Variants in LYPD6B observed in about 807,000 individuals in gnomAD.
LYPD6B encodes the protein ly6/PLAUR domain-containing protein 6B.
A neutral mutation model predicts 22.8 loss-of-function variants in LYPD6B; 17 were observed. The ratio of observed to expected loss-of-function variants is 0.75; its 90% CI spans 0.51 to 1.12. The LOEUF (loss-of-function observed/expected upper bound fraction) is 1.12. Among genes scored for constraint, LYPD6B ranks in the 50% most tolerant of loss-of-function variants. The pLI is 0.00. For synonymous variants in LYPD6B, 106 were observed against 91.6 expected, an observed-to-expected ratio of 1.16 and a Z score of -0.90; for missense variants, 221 against 258.3, an observed-to-expected ratio of 0.86 and a Z score of 0.99.
At chr2:149,135,719 CAAAAA>C (rs386391471) in intron 2 of LYPD6B, among the ~76,000 whole-genome samples, 1 of 32,228 alleles carries the variant, frequency 3.1e-5, no homozygotes, top group Non-Finnish European at 6.2e-5. Context: ...GACCATGTCT[CAAAAA>C]AAAAAAAAAA....
chr2:149,103,192 G>T (rs1269528296), intron 1 of LYPD6B, among the ~76,000 whole-genome samples: 6 of 152,158 alleles, frequency 3.9e-5, no homozygotes, highest in Non-Finnish European at 8.8e-5. Flanking sequence ...TCAGCAGTTG[G>T]CACAAACATG....
chr2:149,159,840 A>T (rs535849687), intron 2 of LYPD6B, among the ~76,000 whole-genome samples: 7 of 152,270 alleles, frequency 4.6e-5, no homozygotes, highest in Admixed American at 3.9e-4. Context: ...TCGACTGATC[A>T]AATAAGGCTC....
intron 1 of LYPD6B, among the ~76,000 whole-genome samples, chr2:149,111,716 G>C (rs7586963): frequency 0.012 from 1,847 of 152,210 alleles, 18 homozygotes; most frequent in Non-Finnish European, 0.021. Context: ...CATATAGAAG[G>C]CATTTAAAGG....
At chr2:149,117,126 C>A (rs1687045129) in intron 1 of LYPD6B, among the ~76,000 whole-genome samples, 1 of 151,926 alleles carries the variant, frequency 6.6e-6, no homozygotes, top group South Asian at 2.1e-4. Context: ...AGAGTAGTAA[C>A]CCTCAGTCTA....
chr2:149,211,111 G>A (rs1693825539), intron 5 of LYPD6B, among the ~76,000 whole-genome samples: 1 of 152,084 alleles, frequency 6.6e-6, no homozygotes, highest in South Asian at 2.1e-4. Flanking sequence ...GGGGGGAGGT[G>A]CTACACAGTT....
chr2:149,175,799 G>A (rs995945427), intron 3 of LYPD6B, among the ~76,000 whole-genome samples: 4 of 150,622 alleles, frequency 2.7e-5, no homozygotes, highest in Admixed American at 2.0e-4. Flanking sequence ...CCTACACAGG[G>A]TCAGGATCAT....
chr2:149,058,861 C>T (rs1683932566), intron 1 of LYPD6B, among the ~76,000 whole-genome samples: 1 of 152,250 alleles, frequency 6.6e-6, no homozygotes, highest in South Asian at 2.1e-4. Context: ...CTCAGGTGAT[C>T]CACTTGCCCT....
At chr2:149,135,797 A>G (rs1404391382) in intron 2 of LYPD6B, among the ~76,000 whole-genome samples, 1 of 151,890 alleles carries the variant, frequency 6.6e-6, no homozygotes, top group African/African-American at 2.4e-5. Context: ...ATTTTTAAAG[A>G]AAGAATTAAG....
At chr2:149,194,546 A>G (rs1692686669) in intron 3 of LYPD6B, among the ~76,000 whole-genome samples, 1 of 152,222 alleles carries the variant, frequency 6.6e-6, no homozygotes, top group Non-Finnish European at 1.5e-5. Context: ...GGCCTAGAAG[A>G]CAAGATGAGA....
chr2:149,202,327 C>A (rs1398073594), intron 3 of LYPD6B, among the ~76,000 whole-genome samples: 2 of 152,190 alleles, frequency 1.3e-5, no homozygotes, highest in Non-Finnish European at 2.9e-5. Context: ...GACTCCCTGA[C>A]TGTCCAGTCC....
intron 1 of LYPD6B, among the ~76,000 whole-genome samples, chr2:149,083,918 A>G (rs115992265): frequency 6.6e-6 from 1 of 150,556 alleles, no homozygotes; most frequent in Admixed American, 6.7e-5. Context: ...CTACTAAAAT[A>G]AAAAAACAAA....
chr2:149,089,722 G>T (rs1185343278), intron 1 of LYPD6B, among the ~76,000 whole-genome samples: 1 of 152,142 alleles, frequency 6.6e-6, no homozygotes, highest in African/African-American at 2.4e-5. Context: ...GGTTTTCTGT[G>T]TACTGGTTGG....
intron 3 of LYPD6B, among the ~76,000 whole-genome samples, chr2:149,175,201 C>T (rs1050527405): frequency 2.0e-5 from 3 of 151,952 alleles, no homozygotes; most frequent in African/African-American, 7.3e-5. Flanking sequence ...GTACAACCTA[C>T]GATACTCCCA....
chr2:149,130,538 G>A (rs917792714), intron 1 of LYPD6B, among the ~76,000 whole-genome samples: 1 of 152,188 alleles, frequency 6.6e-6, no homozygotes, highest in Non-Finnish European at 1.5e-5. Context: ...CTAAAAGAGG[G>A]TATTAGGCCT....
At chr2:149,212,810 T>G (rs1161991508) in intron 5 of LYPD6B, among the ~76,000 whole-genome samples, 182 bp from the exon 6 acceptor site, 1 of 152,198 alleles carries the variant, frequency 6.6e-6, no homozygotes, top group African/African-American at 2.4e-5. Context: ...GAAGCTGGTG[T>G]CCTTTGAAAA....
chr2:149,068,597 T>G, intron 1 of LYPD6B: 2 of 432,896 alleles, frequency 4.6e-6, no homozygotes, highest in South Asian at 3.7e-5. Flanking sequence ...ATGATTAGAC[T>G]AATTCATTAG....
At chr2:149,190,490 G>A (rs545250147) in intron 3 of LYPD6B, among the ~76,000 whole-genome samples, 2 of 152,216 alleles carry the variant, frequency 1.3e-5, no homozygotes, top group East Asian at 3.9e-4. Context: ...TAATAATGTT[G>A]TCAAATTGCT....
intron 1 of LYPD6B, among the ~76,000 whole-genome samples, chr2:149,083,917 TA>T (rs1203938249): frequency 1.3e-5 from 2 of 148,964 alleles, no homozygotes; most frequent in South Asian, 2.1e-4. Context: ...TCTACTAAAA[TA>T]AAAAAACAAA....
chr2:149,101,124 T>C (rs1186281252), intron 1 of LYPD6B: 2 of 152,252 alleles, frequency 1.3e-5, no homozygotes, highest in African/African-American at 4.8e-5. Flanking sequence ...AAAAGAGGCA[T>C]ACCTCCAAAT....
Sources: allele counts gnomAD v4.1 joint callset (sites outside exome capture counted in the v4.1 genomes callset), GRCh38; gene constraint gnomAD v4.1.1; transcripts MANE v1.5; gene names NCBI Gene and HGNC (gene_info 2026-07-23, HGNC 2026-07-21).